Variants in LARP1 observed in about 807,000 individuals in gnomAD.
The protein encoded by LARP1 is la-related protein 1.
A neutral mutation model predicts 122.7 loss-of-function variants in LARP1; 36 were observed. That is an observed-to-expected ratio of 0.29 (90% confidence interval 0.22 to 0.39). The LOEUF (loss-of-function observed/expected upper bound fraction) is 0.39, where lower values mean the gene tolerates loss of function less well. Ranked by LOEUF, LARP1 falls within the 10% of genes least tolerant of loss-of-function variation. The probability of loss-of-function intolerance (pLI) is 1.00; values close to 1 mark genes in which losing one functional copy is unlikely to be tolerated. For missense variants in LARP1, 1,040 were observed against 1,403.6 expected (o/e 0.74, Z 4.14); for synonymous variants, 539 against 528.7 (o/e 1.02, Z -0.27).
At chr5:154,758,168 G>T (rs1282386602) in intron 1 of LARP1, among the ~76,000 whole-genome samples, 1 of 152,116 alleles carries the variant, frequency 6.6e-6, no homozygotes, top group East Asian at 1.9e-4. Flanking sequence ...ACATCAGGTG[G>T]TATTGGGTGC....
chr5:154,726,255 C>G (rs923275021), intron 1 of LARP1, among the ~76,000 whole-genome samples: 2 of 152,184 alleles, frequency 1.3e-5, no homozygotes, highest in Non-Finnish European at 2.9e-5. Flanking sequence ...AATTCAATCC[C>G]TTGTAGTACT....
At chr5:154,797,778 G>A (rs921194196) in intron 8 of LARP1, among the ~76,000 whole-genome samples, 12 of 148,602 alleles carry the variant, frequency 8.1e-5, no homozygotes, top group African/African-American at 2.7e-4. Context: ...AGCCTCAACC[G>A]CCTGAAATCA....
chr5:154,779,426 C>A (rs1756216256), intron 1 of LARP1, among the ~76,000 whole-genome samples: 1 of 152,028 alleles, frequency 6.6e-6, no homozygotes, highest in Non-Finnish European at 1.5e-5. Flanking sequence ...CTGCTCTAAC[C>A]TGTCTCTTAA....
At chr5:154,705,498 G>C (rs1029036806) in intron 1 of LARP1, 1 of 152,072 alleles carries the variant, frequency 6.6e-6, no homozygotes, top group Non-Finnish European at 1.5e-5. Flanking sequence ...TCAGCCTCCC[G>C]AGTAGGTGGG....
chr5:154,807,050 C>G (rs1365241813), intron 15 of LARP1, among the ~76,000 whole-genome samples: 1 of 152,222 alleles, frequency 6.6e-6, no homozygotes, highest in Non-Finnish European at 1.5e-5. Flanking sequence ...TTTGCCTATT[C>G]TGGACATTTC....
chr5:154,800,362 A>G (rs1345161809), intron 10 of LARP1, among the ~76,000 whole-genome samples: 1 of 152,018 alleles, frequency 6.6e-6, no homozygotes, highest in African/African-American at 2.4e-5. Context: ...TGCTCCATCT[A>G]AATTTCTGGG....
chr5:154,707,060 G>A (rs1027411596), intron 1 of LARP1, among the ~76,000 whole-genome samples: 1 of 152,106 alleles, frequency 6.6e-6, no homozygotes, highest in South Asian at 2.1e-4. Flanking sequence ...AATGGCTAGA[G>A]TTTCTCTTGT....
intron 1 of LARP1, among the ~76,000 whole-genome samples, chr5:154,767,640 T>C (rs1222062698): frequency 6.6e-6 from 1 of 152,204 alleles, no homozygotes; most frequent in Non-Finnish European, 1.5e-5. Flanking sequence ...TTCAGGCGTT[T>C]TGCAGTAAAA....
chr5:154,692,134 G>A (rs1163819270), intron 1 of LARP1, among the ~76,000 whole-genome samples: 1 of 152,152 alleles, frequency 6.6e-6, no homozygotes, highest in Non-Finnish European at 1.5e-5. Context: ...GCTCCCTAGT[G>A]CCCTGGAATA....
intron 1 of LARP1, among the ~76,000 whole-genome samples, chr5:154,759,793 A>G (rs917199740): frequency 2.0e-5 from 3 of 151,246 alleles, no homozygotes; most frequent in Admixed American, 1.3e-4. Flanking sequence ...TTTCACTTTC[A>G]GTACAGTATT....
At chr5:154,751,864 C>T (rs1753516108), upstream of LARP1, among the ~76,000 whole-genome samples, 1 of 152,056 alleles carries the variant, frequency 6.6e-6, no homozygotes, top group South Asian at 2.1e-4. Flanking sequence ...TTCAGGCATG[C>T]ACTGGGATAA....
intron 1 of LARP1, among the ~76,000 whole-genome samples, chr5:154,758,171 T>G (rs968167318): frequency 6.6e-6 from 1 of 151,916 alleles, no homozygotes; most frequent in African/African-American, 2.4e-5. Flanking sequence ...TCAGGTGGTA[T>G]TGGGTGCCTG....
chr5:154,716,392 AT>A (rs1252414719), intron 1 of LARP1, among the ~76,000 whole-genome samples: 1 of 152,036 alleles, frequency 6.6e-6, no homozygotes, highest in Non-Finnish European at 1.5e-5. Context: ...AAGTGCTAGG[AT>A]TACAGGCATA....
intron 1 of LARP1, among the ~76,000 whole-genome samples, chr5:154,756,709 A>T (rs1753953041): frequency 6.6e-6 from 1 of 151,960 alleles, no homozygotes; most frequent in African/African-American, 2.4e-5. Context: ...ATTAAAAGTT[A>T]ACAAGTTTTG....
chr5:154,752,258 T>G (rs1753541751), upstream of LARP1, among the ~76,000 whole-genome samples: 1 of 152,196 alleles, frequency 6.6e-6, no homozygotes, highest in Admixed American at 6.5e-5. Context: ...CTTTTCTTTT[T>G]TTGAGATGGA....
chr5:154,704,542 G>A (rs1397909153), intron 1 of LARP1, among the ~76,000 whole-genome samples: 1 of 151,676 alleles, frequency 6.6e-6, no homozygotes, highest in Non-Finnish European at 1.5e-5. Flanking sequence ...AGCTACTTGG[G>A]AGGCTGAGGC....
chr5:154,685,961 GTC>G (rs1186792002), intron 1 of LARP1: 7 of 472,646 alleles, frequency 1.5e-5, no homozygotes, highest in African/African-American at 1.2e-4. Flanking sequence ...CCTGGATTAA[GTC>G]TCTTTTATAA....
At chr5:154,745,255 G>C (rs1753129695) in intron 1 of LARP1, among the ~76,000 whole-genome samples, 1 of 152,138 alleles carries the variant, frequency 6.6e-6, no homozygotes, top group South Asian at 2.1e-4. Context: ...AGAAGCCCTG[G>C]AGTTTCCACC....
At chr5:154,752,656 C>T (rs774169982), upstream of LARP1, among the ~76,000 whole-genome samples, 4 of 151,912 alleles carry the variant, frequency 2.6e-5, no homozygotes, top group Admixed American at 6.6e-5. Context: ...GATGTTGTCT[C>T]GGCCGGGCAT....
Sources: allele counts gnomAD v4.1 joint callset (sites outside exome capture counted in the v4.1 genomes callset), GRCh38; gene constraint gnomAD v4.1.1; transcripts MANE v1.5; gene names NCBI Gene and HGNC (gene_info 2026-07-23, HGNC 2026-07-21).